LRRC4C: variants seen among roughly 807,000 people sequenced by gnomAD.
LRRC4C encodes leucine rich repeat containing 4C.
In LRRC4C, 5 loss-of-function variants were observed where a neutral mutation model predicts 33.6. The ratio of observed to expected loss-of-function variants is 0.15; its 90% CI spans 0.08 to 0.31. The LOEUF is 0.31. Among genes scored for constraint, LRRC4C ranks in the 10% least tolerant of loss-of-function variants. LRRC4C has a pLI of 1.00. For synonymous variants in LRRC4C, 329 were observed against 302.0 expected (o/e 1.09, Z -0.93); for missense variants, 560 against 796.7 (o/e 0.70, Z 3.58).
chr11:41,243,363 CT>C (rs1212426206), intron 1 of LRRC4C, among the ~76,000 whole-genome samples: 1 of 152,160 alleles, frequency 6.6e-6, no homozygotes, highest in African/African-American at 2.4e-5. Context: ...AACAATTTCA[CT>C]TTCCTTTTTC....
chr11:41,029,145 C>G (rs1458798902), intron 1 of LRRC4C, among the ~76,000 whole-genome samples: 1 of 151,772 alleles, frequency 6.6e-6, no homozygotes, highest in Non-Finnish European at 1.5e-5. Context: ...ATTTCCCAAA[C>G]TAGTCGACTA....
chr11:40,680,768 G>A (rs147813269), intron 2 of LRRC4C, among the ~76,000 whole-genome samples: 1,534 of 152,194 alleles, frequency 0.01, 65 homozygotes, highest in Admixed American at 0.087. Context: ...CTTTATCAGC[G>A]TGAAAATGGA....
chr11:41,250,782 G>T (rs1404315231), intron 1 of LRRC4C, among the ~76,000 whole-genome samples: 1 of 152,128 alleles, frequency 6.6e-6, no homozygotes, highest in Admixed American at 6.5e-5. Flanking sequence ...CAAAATGCAA[G>T]CCAATCTGTT....
At chr11:41,176,795 T>C (rs1221537401) in intron 1 of LRRC4C, among the ~76,000 whole-genome samples, 1 of 151,982 alleles carries the variant, frequency 6.6e-6, no homozygotes, top group Non-Finnish European at 1.5e-5. Flanking sequence ...AAACCCTGTC[T>C]CTACTAAAAT....
intron 3 of LRRC4C, among the ~76,000 whole-genome samples, chr11:40,442,433 C>G (rs1480683167): frequency 6.6e-6 from 1 of 152,068 alleles, no homozygotes; most frequent in Non-Finnish European, 1.5e-5. Flanking sequence ...GGCAGCAAAA[C>G]CACTCCAGGT....
intron 1 of LRRC4C, among the ~76,000 whole-genome samples, chr11:41,222,257 T>C (rs1179267645): frequency 6.6e-6 from 1 of 152,154 alleles, no homozygotes; most frequent in African/African-American, 2.4e-5. Flanking sequence ...ACTGTGGCAC[T>C]TGAATAAAGG....
At chr11:40,153,246 AC>A (rs1858375176) in intron 5 of LRRC4C, among the ~76,000 whole-genome samples, 2 of 152,180 alleles carry the variant, frequency 1.3e-5, no homozygotes, top group South Asian at 4.1e-4. Flanking sequence ...AGTGGGGAGT[AC>A]TATATCAAGG....
chr11:41,031,114 G>T (rs1387791912), intron 1 of LRRC4C, among the ~76,000 whole-genome samples: 1 of 151,900 alleles, frequency 6.6e-6, no homozygotes, highest in Admixed American at 6.6e-5. Flanking sequence ...CTTTCACGTG[G>T]CTGCTTAGAG....
chr11:40,590,200 C>A (rs1213136352), intron 3 of LRRC4C, among the ~76,000 whole-genome samples: 1 of 151,624 alleles, frequency 6.6e-6, no homozygotes, highest in Non-Finnish European at 1.5e-5. Flanking sequence ...TTTCTCTAAA[C>A]TTCCCTTCTC....
At position 40,189,955 on chromosome 11, in the gene LRRC4C, A is replaced by G. The variant is rs143020243; in HGVS notation, c.-95-49102T>C. On this transcript the variant is annotated intron_variant, in intron 5 of 6. Transcript: ENST00000528697. ...AACTGCCTATAGTTACTCAATACAA[A>G]CTTTTCATAATCACCCACAGAATCA... is the stretch of plus-strand genomic sequence containing the variant. Among the ~76,000 whole-genome samples, 253 of 152,294 alleles carry G rather than the reference A, an allele frequency of 1.7e-3. 2 individuals carry two copies. Among genetic ancestry groups the G allele is most frequent in the African/African-American group, 5.9e-3 (244 of 41,562 alleles).
At chr11:40,249,832 GATAAA>G (rs1389170872) in intron 4 of LRRC4C, among the ~76,000 whole-genome samples, 1 of 151,996 alleles carries the variant, frequency 6.6e-6, no homozygotes, top group Non-Finnish European at 1.5e-5. Flanking sequence ...AGAGGGAGTT[GATAAA>G]ATAAAGAGGC....
chr11:40,840,360 G>A (rs1326650270), intron 2 of LRRC4C, among the ~76,000 whole-genome samples: 1 of 152,078 alleles, frequency 6.6e-6, no homozygotes, highest in Non-Finnish European at 1.5e-5. Flanking sequence ...TTACTACCAA[G>A]CATTTGATTG....
chr11:40,160,001 A>G (rs1859022027), intron 5 of LRRC4C, among the ~76,000 whole-genome samples: 1 of 152,166 alleles, frequency 6.6e-6, no homozygotes, highest in Non-Finnish European at 1.5e-5. Context: ...CTACACCTCT[A>G]CGTGTTATTA....
At chr11:40,400,225 G>A (rs540189314) in intron 3 of LRRC4C, among the ~76,000 whole-genome samples, 3 of 152,016 alleles carry the variant, frequency 2.0e-5, no homozygotes, top group Non-Finnish European at 4.4e-5. Flanking sequence ...TCTATCACTC[G>A]GATGCGGTTG....
At position 40,189,516 on chromosome 11, in the gene LRRC4C, C is replaced by T. The variant is rs558013825; in HGVS notation, c.-95-48663G>A. The stretch of plus-strand genomic sequence containing the variant: ...AAAAGCAGCATCATGATCCCTTCTT[C>T]GAACCCTTCTATAAAAAGAAGTGAG... On this transcript the variant is annotated intron_variant, in intron 5 of 6. Coordinates refer to ENST00000528697, the MANE Select transcript of LRRC4C (RefSeq NM_001258419.2). Among the ~76,000 whole-genome samples the T allele has an allele frequency of 5.9e-5, 9 of 152,256 alleles. No homozygotes were observed. The South Asian group carries it at 8.3e-4, about 14-fold the overall frequency.
At chr11:41,382,350 C>T (rs1953188380) in intron 1 of LRRC4C, among the ~76,000 whole-genome samples, 1 of 151,930 alleles carries the variant, frequency 6.6e-6, no homozygotes, top group Non-Finnish European at 1.5e-5. Context: ...ATTGTAAACC[C>T]AGCAAAAGTA....
At chr11:40,307,966 A>G (rs1327958227) in intron 4 of LRRC4C, among the ~76,000 whole-genome samples, 2 of 152,232 alleles carry the variant, frequency 1.3e-5, no homozygotes, top group Non-Finnish European at 2.9e-5. Context: ...AGAAAGAATT[A>G]TAGTTGTCAT....
At chr11:40,797,429 T>C (rs1283366336) in intron 2 of LRRC4C, among the ~76,000 whole-genome samples, 5 of 152,086 alleles carry the variant, frequency 3.3e-5, no homozygotes, top group Admixed American at 6.5e-5. Context: ...TTGGAAATCA[T>C]AGGGATTTGG....
chr11:40,999,594 TAATAATTTAGTTAAGAATA>T (rs1854225468), intron 1 of LRRC4C, among the ~76,000 whole-genome samples: 1 of 152,120 alleles, frequency 6.6e-6, no homozygotes, highest in Non-Finnish European at 1.5e-5. Context: ...GATGGTGAAA[TAATAATTTAGTTAAGAATA>T]AATCAAAAGT....
Sources: allele counts gnomAD v4.1 joint callset (sites outside exome capture counted in the v4.1 genomes callset), GRCh38; gene constraint gnomAD v4.1.1; transcripts MANE v1.5; gene names NCBI Gene and HGNC (gene_info 2026-07-23, HGNC 2026-07-21).